CHSY3: variants seen among roughly 807,000 people sequenced by gnomAD.
CHSY3 encodes the protein chondroitin sulfate synthase 3.
CHSY3 carries 35 observed loss-of-function variants against 67.2 expected under a neutral mutation model. That is an observed-to-expected ratio of 0.52 (90% CI 0.40 to 0.69). The LOEUF (loss-of-function observed/expected upper bound fraction) is 0.69. Ranked by LOEUF, CHSY3 falls within the 30% of genes least tolerant of loss-of-function variation. The probability of loss-of-function intolerance (pLI) is 0.00; values close to 1 mark genes in which losing one functional copy is unlikely to be tolerated. For synonymous variants in CHSY3, 474 were observed against 434.7 expected (o/e 1.09, Z -1.12); for missense variants, 1,069 against 1,138.5 (o/e 0.94, Z 0.88).
intron 2 of CHSY3, among the ~76,000 whole-genome samples, chr5:129,959,467 T>G (rs1010487003): frequency 2.6e-5 from 4 of 152,166 alleles, no homozygotes; most frequent in Non-Finnish European, 4.4e-5. Flanking sequence ...AAGGACTCTC[T>G]TCTCTATTTT....
intron 2 of CHSY3, among the ~76,000 whole-genome samples, chr5:129,942,387 T>C (rs1241661708): frequency 6.6e-6 from 1 of 152,204 alleles, no homozygotes; most frequent in Non-Finnish European, 1.5e-5. Context: ...ATTTCTATTA[T>C]ATATTTGGAG....
upstream of CHSY3, chr5:129,904,435 A>AGGAGGGAGGAG (rs1189541576): frequency 6.1e-6 from 1 of 163,118 alleles, no homozygotes; most frequent in African/African-American, 2.4e-5. Flanking sequence ...GGGCTCGGGA[A>AGGAGGGAGGAG]GGAGGGAGGA....
intron 2 of CHSY3, among the ~76,000 whole-genome samples, chr5:130,162,392 AG>A (rs1278717149): frequency 2.6e-5 from 4 of 152,258 alleles, no homozygotes; most frequent in Non-Finnish European, 4.4e-5. Context: ...AGACTGACAT[AG>A]ACAAATAGTG....
intron 2 of CHSY3, among the ~76,000 whole-genome samples, chr5:129,972,170 A>G (rs1333877463): frequency 6.6e-6 from 1 of 152,076 alleles, no homozygotes; most frequent in Non-Finnish European, 1.5e-5. Context: ...GATTAAGTCA[A>G]AATTATTTAG....
At chr5:130,125,429 A>AGATAGATAGAT (rs1325750719) in intron 2 of CHSY3, among the ~76,000 whole-genome samples, 1 of 151,536 alleles carries the variant, frequency 6.6e-6, no homozygotes, top group Non-Finnish European at 1.5e-5. Context: ...ATAGATAGAT[A>AGATAGATAGAT]GATAGATAGA....
intron 2 of CHSY3, among the ~76,000 whole-genome samples, chr5:130,005,550 T>C (rs1257733521): frequency 6.6e-6 from 1 of 152,240 alleles, no homozygotes; most frequent in Non-Finnish European, 1.5e-5. Flanking sequence ...TTAAGTTTAT[T>C]TTAATAGTCT....
At chr5:129,982,154 G>A (rs916487292) in intron 2 of CHSY3, among the ~76,000 whole-genome samples, 4 of 151,884 alleles carry the variant, frequency 2.6e-5, no homozygotes, top group African/African-American at 9.7e-5. Flanking sequence ...TTGGTAACAT[G>A]TTTGACACTT....
intron 2 of CHSY3, among the ~76,000 whole-genome samples, chr5:130,183,883 A>G (rs1471670506): frequency 1.3e-5 from 2 of 151,980 alleles, no homozygotes; most frequent in Non-Finnish European, 2.9e-5. Flanking sequence ...TTAAAATGCT[A>G]AAAAAAGATG....
chr5:129,904,562 G>GCCGCCA lies in CHSY3; in HGVS notation c.-262_-257dup. ...TCCAGCTGCCGCTGCTGCCGCCGCTGCCGCCACCGCCGCCGCCGGGAGAAG... is the reference window on the plus strand; with the variant it reads ...TCCAGCTGCCGCTGCTGCCGCCGCTGCCGCCACCGCCACCGCCGCCGCCGGGAGAAG... On this transcript the variant is annotated 5_prime_UTR_variant, in exon 1 of 3. Transcript: ENST00000305031. The GCCGCCA allele has an allele frequency of 2.5e-6, 1 of 395,388 alleles. No homozygotes were observed. Among genetic ancestry groups the GCCGCCA allele is most frequent in the Non-Finnish European group, 4.1e-6 (1 of 243,996 alleles). The allele number at this position is 395,388 out of a possible 1,614,324, so 24.5% of individuals were successfully genotyped here. A position where few individuals can be genotyped will look rare whatever the true frequency, so the allele number is the denominator to read the frequency against.
intron 2 of CHSY3, among the ~76,000 whole-genome samples, chr5:129,992,703 T>C (rs1223307011): frequency 2.0e-5 from 3 of 152,216 alleles, no homozygotes; most frequent in African/African-American, 7.2e-5. Flanking sequence ...ATGTGCTTTA[T>C]GGCAAGAGCA....
intron 2 of CHSY3, among the ~76,000 whole-genome samples, chr5:129,946,164 T>C (rs1038104069): frequency 6.6e-6 from 1 of 152,164 alleles, no homozygotes; most frequent in Non-Finnish European, 1.5e-5. Context: ...GTATGTGGCT[T>C]GATGTTAAAT....
At chr5:130,010,096 A>G (rs1314932139) in intron 2 of CHSY3, among the ~76,000 whole-genome samples, 1 of 152,138 alleles carries the variant, frequency 6.6e-6, no homozygotes, top group Non-Finnish European at 1.5e-5. Flanking sequence ...AAAACCAGCA[A>G]AGATATTTGG....
chr5:130,110,914 G>T (rs1183608287), intron 2 of CHSY3, among the ~76,000 whole-genome samples: 2 of 151,502 alleles, frequency 1.3e-5, no homozygotes, highest in Admixed American at 1.3e-4. Flanking sequence ...TTTTGGCTGT[G>T]AATTTTTAAT....
intron 2 of CHSY3, among the ~76,000 whole-genome samples, chr5:130,081,980 A>G (rs1249272790): frequency 6.6e-6 from 1 of 152,094 alleles, no homozygotes; most frequent in Admixed American, 6.6e-5. Flanking sequence ...TGAACTAGAA[A>G]TTTTCCTTAC....
At chr5:130,087,108 GA>G (rs1396192057) in intron 2 of CHSY3, among the ~76,000 whole-genome samples, 1 of 151,908 alleles carries the variant, frequency 6.6e-6, no homozygotes, top group Non-Finnish European at 1.5e-5. Context: ...CAGAACCAAA[GA>G]CAAAAACCAC....
intron 2 of CHSY3, among the ~76,000 whole-genome samples, chr5:130,025,432 G>A (rs1561502776): frequency 6.6e-6 from 1 of 152,126 alleles, no homozygotes. Context: ...CCAACAGGAG[G>A]AGCCAGATCA....
intron 2 of CHSY3, among the ~76,000 whole-genome samples, chr5:130,144,851 T>G (rs905484095): frequency 6.6e-6 from 1 of 152,186 alleles, no homozygotes; most frequent in Non-Finnish European, 1.5e-5. Flanking sequence ...GAAAAAAGGT[T>G]TAAGTGGCTC....
At chr5:129,967,508 T>C (rs1561477435) in intron 2 of CHSY3, among the ~76,000 whole-genome samples, 1 of 151,880 alleles carries the variant, frequency 6.6e-6, no homozygotes, top group Admixed American at 6.6e-5. Flanking sequence ...AGATCTAATA[T>C]TTACCAGTCG....
intron 2 of CHSY3, among the ~76,000 whole-genome samples, chr5:130,063,728 A>G (rs115420313): frequency 0.016 from 2,499 of 152,212 alleles, 67 homozygotes; most frequent in African/African-American, 0.056. Context: ...TCCAGGTGCC[A>G]GTATTTGGTG....
Sources: gnomAD v4.1 joint callset for allele counts (sites outside exome capture counted in the v4.1 genomes callset) on GRCh38, gnomAD v4.1.1 for gene constraint, MANE v1.5 for transcripts, NCBI Gene and HGNC (gene_info 2026-07-23, HGNC 2026-07-21) for gene names.